MCM9: variants seen among roughly 807,000 people sequenced by gnomAD.
The protein encoded by MCM9 is minichromosome maintenance 9 homologous recombination repair factor, also known as DNA helicase MCM9.
MCM9 carries 55 observed loss-of-function variants against 72.8 expected under a neutral mutation model. That is an observed-to-expected ratio of 0.76 (90% CI 0.61 to 0.95). MCM9 has a LOEUF of 0.95. MCM9 is among the 40% of genes least tolerant of loss of function. The probability of loss-of-function intolerance (pLI) is 0.00; values close to 1 mark genes in which losing one functional copy is unlikely to be tolerated. For synonymous variants in MCM9, 480 were observed against 503.4 expected, an observed-to-expected ratio of 0.95 and a Z score of 0.62; for missense variants, 1,279 against 1,377.0, an observed-to-expected ratio of 0.93 and a Z score of 1.13.
intron 9 of MCM9, among the ~76,000 whole-genome samples, chr6:118,845,327 C>A (rs554757054): frequency 6.6e-5 from 10 of 151,896 alleles, no homozygotes; most frequent in African/African-American, 2.4e-4. Context: ...AATAAACTCC[C>A]TTTCCCCCAA....
At chr6:118,885,971 G>C (rs564840022) in intron 8 of MCM9, among the ~76,000 whole-genome samples, 2 of 151,776 alleles carry the variant, frequency 1.3e-5, no homozygotes, top group African/African-American at 4.8e-5. Flanking sequence ...CCATGACCAA[G>C]TGGAATTCAC....
Position 118,827,949 on chromosome 6 carries a change from T to TTCCAACAGCCGAATGGTGGTCCGG in MCM9, c.1686_1709dup (p.Leu569_Glu570insAspArgThrThrIleArgLeuLeu). On this transcript the variant is annotated inframe_insertion, in exon 11 of 14. Transcript: ENST00000619706. ...GACCTTCTGCTAATCGTATCAAGCT[T>TTCCAACAGCCGAATGGTGGTCCGG]TCCAACAGCCGAATGGTGGTCCGGG... 6.4e-7 allele frequency: 1 copy of TTCCAACAGCCGAATGGTGGTCCGG among 1,550,984 alleles called. No homozygotes were observed. The highest frequency in any genetic ancestry group is 1.2e-5 in the South Asian group (1 of 84,058).
At chr6:118,845,617 G>A (rs1775808954) in intron 9 of MCM9, among the ~76,000 whole-genome samples, 2 of 151,690 alleles carry the variant, frequency 1.3e-5, no homozygotes, top group Non-Finnish European at 2.9e-5. Flanking sequence ...TCCATATCTA[G>A]CACAGGATGT....
intron 8 of MCM9, among the ~76,000 whole-genome samples, chr6:118,880,011 G>A (rs1778184228): frequency 6.6e-6 from 1 of 150,826 alleles, no homozygotes; most frequent in Non-Finnish European, 1.5e-5. Flanking sequence ...CAGCCTGGGC[G>A]ACAGAGTGAG....
intron 8 of MCM9, among the ~76,000 whole-genome samples, chr6:118,889,099 T>C (rs1778787764): frequency 1.3e-5 from 2 of 152,354 alleles, no homozygotes; most frequent in Middle Eastern, 6.8e-3. Flanking sequence ...AACAAAGCTG[T>C]TACCTGAAAA....
chr6:118,839,269 T>G (rs1775188711), intron 9 of MCM9, among the ~76,000 whole-genome samples: 1 of 151,966 alleles, frequency 6.6e-6, no homozygotes, highest in South Asian at 2.1e-4. Flanking sequence ...GTTTTTCAGC[T>G]CCGTCAGGTC....
At chr6:118,871,773 G>A (rs1777613124) in intron 8 of MCM9, among the ~76,000 whole-genome samples, 1 of 151,812 alleles carries the variant, frequency 6.6e-6, no homozygotes, top group South Asian at 2.1e-4. Flanking sequence ...CAGGTGTGGT[G>A]TTGGGCCCCT....
rs1460351219 is a variant in MCM9, at chr6:118,826,855, C to T, written c.1742G>A (p.Arg581His). 1.0e-5 allele frequency: 16 copies of T among 1,549,660 alleles called. No homozygotes were observed. Among genetic ancestry groups the T allele is most frequent in the East Asian group, 7.3e-5 (3 of 40,890 alleles). Residue 581 changes from arginine (R) to histidine (H), a missense_variant, in exon 12 of 14, where the codon CGC becomes CAC. Transcript: ENST00000619706. ...AGTTACAGTATCACGAAACATCAGGCGAGCATGAGCTAAGAAAACAAAACA... is the reference window on the plus strand; with the variant it reads ...AGTTACAGTATCACGAAACATCAGGTGAGCATGAGCTAAGAAAACAAAACA... ...SLIRLAEAHA[R>H]LMFRDTVTLE...
chr6:118,882,314 C>G (rs1213404681), intron 8 of MCM9, among the ~76,000 whole-genome samples: 3 of 152,202 alleles, frequency 2.0e-5, no homozygotes, highest in Non-Finnish European at 4.4e-5. Flanking sequence ...TCTGAATCTT[C>G]CCCCACAAGA....
chr6:118,817,085 G>A (rs1773455477), intron 13 of MCM9, among the ~76,000 whole-genome samples: 1 of 151,610 alleles, frequency 6.6e-6, no homozygotes, highest in African/African-American at 2.4e-5. Context: ...TAAATATCTT[G>A]GGCATATTAG....
Position 118,813,912 on chromosome 6 carries a change from G to GA in MCM9, c.*911dup, listed in dbSNP as rs1773257133. ...CTCTTCTTCATTTATTTTATTTTTA[G>GA]AGACAGGATCTCACTCTGTCACCCA... On this transcript the variant is annotated 3_prime_UTR_variant, in exon 14 of 14. Transcript: ENST00000619706. 2 of 152,084 alleles carry GA rather than the reference G, an allele frequency of 1.3e-5. No individual in the cohort carries two copies. Among genetic ancestry groups the GA allele is most frequent in the African/African-American group, 4.8e-5 (2 of 41,476 alleles). 9.4% of individuals were successfully genotyped at this position (152,084 alleles called of 1,614,324 possible).
Position 118,828,145 on chromosome 6 carries a change from T to C in MCM9, c.1529-15A>G. 1.3e-6 allele frequency: 2 copies of C among 1,543,562 alleles called. No homozygotes were observed. The highest frequency in any genetic ancestry group is 1.8e-6 in the Non-Finnish European group (2 of 1,141,660). On this transcript the variant is annotated splice_polypyrimidine_tract_variant and intron_variant, in intron 10 of 13. Transcript: ENST00000619706. The stretch of plus-strand genomic sequence containing the variant: ...GCTTGGGTAACCTGTATGTATCAGG[T>C]GTTGGGTCAGTAAGTTCTTAGGACA...
intron 6 of MCM9, among the ~76,000 whole-genome samples, chr6:118,916,744 C>T (rs1375943132): frequency 4.6e-5 from 7 of 152,150 alleles, no homozygotes; most frequent in Non-Finnish European, 1.0e-4. Context: ...TCAAGTGACC[C>T]ACCCACCTTG....
intron 8 of MCM9, among the ~76,000 whole-genome samples, chr6:118,905,388 G>T (rs926115891): frequency 1.7e-4 from 26 of 152,148 alleles, no homozygotes; most frequent in African/African-American, 3.4e-4. Context: ...CCACCATGCA[G>T]TGTAGCCAGA....
intron 8 of MCM9, among the ~76,000 whole-genome samples, chr6:118,902,249 T>C (rs1434579202): frequency 6.6e-6 from 1 of 152,188 alleles, no homozygotes; most frequent in African/African-American, 2.4e-5. Flanking sequence ...TGTGTGGCTT[T>C]ACCTCTCTAA....
At chr6:118,912,656 T>G (rs2114259939) in intron 7 of MCM9, 2 of 152,672 alleles carry the variant, frequency 1.3e-5, no homozygotes, top group Middle Eastern at 3.4e-3. Context: ...AACAATGCCC[T>G]TTTAGTCTTT....
At chr6:118,930,103 A>T (rs149465777) in intron 3 of MCM9, among the ~76,000 whole-genome samples, 1 of 145,706 alleles carries the variant, frequency 6.9e-6, no homozygotes, top group Non-Finnish European at 1.5e-5. Context: ...TTATTTATTT[A>T]TTTATTTTAT....
intron 8 of MCM9, chr6:118,894,553 C>CA: frequency 6.7e-7 from 1 of 1,501,462 alleles, no homozygotes; most frequent in Non-Finnish European, 9.0e-7. Context: ...CCCGGGCTGT[C>CA]AGTTGCGGGC....
chr6:118,875,540 G>A (rs1435521611), intron 8 of MCM9, among the ~76,000 whole-genome samples: 1 of 151,886 alleles, frequency 6.6e-6, no homozygotes, highest in Non-Finnish European at 1.5e-5. Context: ...AGAGACTGAG[G>A]TGGGAGCATC....
Sources: allele counts gnomAD v4.1 joint callset (sites outside exome capture counted in the v4.1 genomes callset), GRCh38; gene constraint gnomAD v4.1.1; transcripts MANE v1.5; gene names NCBI Gene and HGNC (gene_info 2026-07-23, HGNC 2026-07-21).